Variants in LDB1 observed in about 807,000 individuals in gnomAD.
The protein encoded by LDB1 is LIM domain-binding protein 1.
A neutral mutation model predicts 49.7 loss-of-function variants in LDB1; 6 were observed. The observed-to-expected ratio is 0.12, with a 90% CI of 0.07 to 0.24. The LOEUF is 0.24. Among genes scored for constraint, LDB1 ranks in the 10% least tolerant of loss-of-function variants. The pLI, the probability that LDB1 is intolerant of heterozygous loss-of-function variation, is 1.00. For missense variants in LDB1, 341 were observed against 561.7 expected (o/e 0.61, Z 3.97); for synonymous variants, 233 against 202.0 (o/e 1.15, Z -1.30).
chr10:102,119,919 T>C (rs894664535), intron 1 of LDB1, among the ~76,000 whole-genome samples, 167 bp downstream of exon 1: 1 of 150,582 alleles, frequency 6.6e-6, no homozygotes, highest in Admixed American at 6.6e-5. Context: ...ATTTACACAG[T>C]TGGGGAAAAC....
downstream of LDB1, among the ~76,000 whole-genome samples, chr10:102,105,787 CCCTATCTCTA>C (rs2068152914): frequency 2.0e-5 from 3 of 147,812 alleles, no homozygotes; most frequent in Admixed American, 2.0e-4. Context: ...CATGGTGAAA[CCCTATCTCTA>C]CTAAAAAAAA....
At chr10:102,108,990 G>A (rs2068210519) in intron 10 of LDB1, 39 bp downstream of exon 10, 1 of 1,613,818 alleles carries the variant, frequency 6.2e-7, no homozygotes, top group Non-Finnish European at 8.5e-7. Flanking sequence ...GGTGAGTGGT[G>A]GGGCAGCCCA....
chr10:102,113,520 C>T (rs2068286222), intron 1 of LDB1, among the ~76,000 whole-genome samples: 1 of 152,196 alleles, frequency 6.6e-6, no homozygotes, highest in African/African-American at 2.4e-5. Context: ...CCCCAATCCA[C>T]AGACAGGCAG....
At chr10:102,113,467 C>A (rs1182598639) in intron 1 of LDB1, among the ~76,000 whole-genome samples, 2 of 152,206 alleles carry the variant, frequency 1.3e-5, no homozygotes, top group Non-Finnish European at 2.9e-5. Flanking sequence ...CTGGACTGAG[C>A]CTGTGTCTCC....
chr10:102,103,352 T>C (rs1032906773), downstream of LDB1, among the ~76,000 whole-genome samples: 3 of 151,802 alleles, frequency 2.0e-5, no homozygotes, highest in African/African-American at 7.3e-5. Context: ...TTGTTGTTGT[T>C]GTTTGAGACA....
Position 102,110,978 on chromosome 10 carries a change from A to T in LDB1, c.250-7T>A, listed in dbSNP as rs763877872. 1.4e-5 allele frequency: 22 copies of T among 1,613,520 alleles called. No homozygotes were observed. The highest frequency in any genetic ancestry group is 1.9e-5 in the Non-Finnish European group (22 of 1,179,464). On this transcript the variant is annotated splice_polypyrimidine_tract_variant and splice_region_variant and intron_variant, in intron 4 of 10. Coordinates refer to ENST00000673968, the MANE Select transcript of LDB1 (RefSeq NM_001113407.3). ...ACCAGAGATTGTCACACTCCTAGGG[A>T]GCATGGTAACGGGTGTTCATGTGTC...
chr10:102,114,580 T>C (rs2786844), intron 1 of LDB1: 1 of 985,466 alleles, frequency 1.0e-6, no homozygotes, highest in Non-Finnish European at 1.2e-6. Flanking sequence ...TCGCACGCAC[T>C]GCCTCGGCCC....
At chr10:102,106,244 G>A (rs2068158568), downstream of LDB1, among the ~76,000 whole-genome samples, 1 of 151,962 alleles carries the variant, frequency 6.6e-6, no homozygotes, top group African/African-American at 2.4e-5. Context: ...GAGGTGGGGA[G>A]CAGACTGAGA....
At chr10:102,114,307 T>A in intron 1 of LDB1, 1 of 984,482 alleles carries the variant, frequency 1.0e-6, no homozygotes, top group African/African-American at 1.7e-5. Context: ...CCGGCGGCTC[T>A]GGGCTGGGGC....
chr10:102,109,300 G>A lies in LDB1; in HGVS notation c.856+84C>T, dbSNP rs1047315094. 1.9e-6 allele frequency: 3 copies of A among 1,604,524 alleles called. No individual in the cohort carries two copies. Among genetic ancestry groups the A allele is most frequent in the African/African-American group, 1.3e-5 (1 of 74,638 alleles). On this transcript the variant is annotated intron_variant, in intron 9 of 10. Transcript: ENST00000673968. This position sits in a 1 kb window ranked among gnomAD's most constrained non-coding sequence, Gnocchi z 5.8. The stretch of plus-strand genomic sequence containing the variant: ...TTGTAGACCCGGGAACAAGGAAGGG[G>A]TGGGGAAAACTTCAAAAGGAAATAA...
rs371242716 is a variant in LDB1, at chr10:102,109,722, T to G, written c.649-39A>C. The G allele has an allele frequency of 5.0e-6, 8 of 1,602,902 alleles. No individual in the cohort carries two copies. Among genetic ancestry groups the G allele is most frequent in the Non-Finnish European group, 6.8e-6 (8 of 1,170,022 alleles). ...AAAGACAAGAAAGAACACTGACACCTGGGTTGCCTCTGCTCACCTGCCCTA... is the reference window on the plus strand; with the variant it reads ...AAAGACAAGAAAGAACACTGACACCGGGGTTGCCTCTGCTCACCTGCCCTA... On this transcript the variant is annotated intron_variant, in intron 7 of 10. Transcript: ENST00000673968. The surrounding 1 kb of genome is among the most constrained non-coding windows in gnomAD (Gnocchi z 5.8).
intron 2 of LDB1, 31 bp from the exon 3 acceptor site, chr10:102,111,331 G>A (rs2068249777): frequency 1.2e-6 from 2 of 1,611,920 alleles, no homozygotes; most frequent in Non-Finnish European, 1.7e-6. Flanking sequence ...TGAGAATGGG[G>A]GTTGAAGATA....
chr10:102,111,472 G>C lies in LDB1; in HGVS notation c.90C>G (p.Pro30=). 2 of 1,565,704 alleles carry C rather than the reference G, an allele frequency of 1.3e-6. No individual in the cohort carries two copies. The highest frequency in any genetic ancestry group is 1.7e-6 in the Non-Finnish European group (2 of 1,154,646). ...PKEPPNGNAF[P]PFHPGTMLDR... is the part of the protein sequence containing the mutation. Reference sequence around the variant, plus strand: ...CCAGCATGGTGCCGGGATGGAAGGGGGGAAAGGCGTTGCCGTTCGGGGGCT... The same window carrying C: ...CCAGCATGGTGCCGGGATGGAAGGGCGGAAAGGCGTTGCCGTTCGGGGGCT... Residue 30 remains proline, a synonymous_variant, in exon 2 of 11, where the codon CCC becomes CCG. Transcript: ENST00000673968.
At position 102,109,062 on chromosome 10, in the gene LDB1, T is replaced by C. The variant is rs767672533; in HGVS notation, c.972A>G (p.Pro324=). ...GGCTGGAGAGGGCGAAGGTGCTAGCTGGGCTCTTCTTCTTGCTGTTGCTGT... is the reference window on the plus strand; with the variant it reads ...GGCTGGAGAGGGCGAAGGTGCTAGCCGGGCTCTTCTTCTTGCTGTTGCTGT... ...TNNSNSKKKS[P]ASTFALSSQV... Residue 324 remains proline, a synonymous_variant, in exon 10 of 11, where the codon CCA becomes CCG. Transcript: ENST00000673968. This position sits in a 1 kb window ranked among gnomAD's most constrained non-coding sequence, Gnocchi z 5.8. The C allele has an allele frequency of 1.2e-6, 2 of 1,614,234 alleles. No homozygotes were observed. Among genetic ancestry groups the C allele is most frequent in the East Asian group, 4.5e-5 (2 of 44,888 alleles).
At chr10:102,114,863 G>C in intron 1 of LDB1, 1 of 978,374 alleles carries the variant, frequency 1.0e-6, no homozygotes, top group African/African-American at 1.8e-5. Context: ...GGCACCAGGA[G>C]AGGCAGGACC....
rs1310467341 is a variant in LDB1 at position 102,109,060 on chromosome 10, G to A, written c.974C>T (p.Ala325Val). ...CTGGCTGGAGAGGGCGAAGGTGCTA[G>A]CTGGGCTCTTCTTCTTGCTGTTGCT... ...NNSNSKKKSP[A>V]STFALSSQVP... Residue 325 changes from alanine (A) to valine (V), a missense_variant, in exon 10 of 11, where the codon GCT becomes GTT. By Grantham distance (64) the Ala-to-Val change is moderately conservative. Around this residue, in one of 5 missense-constraint regions of LDB1, gnomAD observed 233 missense variants for 385.7 expected, o/e 0.60. Coordinates refer to ENST00000673968, the MANE Select transcript of LDB1 (RefSeq NM_001113407.3). This position sits in a 1 kb window ranked among gnomAD's most constrained non-coding sequence, Gnocchi z 5.8. The A allele has an allele frequency of 3.7e-6, 6 of 1,614,128 alleles. No homozygotes were observed. In the African/African-American group the frequency reaches 6.7e-5, roughly 18 times the overall value.
At position 102,106,926 on chromosome 10, in the gene LDB1, G is replaced by A. The variant is rs1043230807; in HGVS notation, c.*1167C>T. ...GACCCTCTACCTCTACCTCACCTAT[G>A]GGGACAGAGGCCTGTTCCTCCCTGG... On this transcript the variant is annotated 3_prime_UTR_variant, in exon 11 of 11. Coordinates refer to ENST00000673968, the MANE Select transcript of LDB1 (RefSeq NM_001113407.3). Among the ~76,000 whole-genome samples the A allele has an allele frequency of 4.6e-5, 7 of 152,102 alleles. No homozygotes were observed. The highest frequency in any genetic ancestry group is 8.8e-5 in the Non-Finnish European group (6 of 68,010).
intron 1 of LDB1, among the ~76,000 whole-genome samples, chr10:102,113,349 C>T (rs2068283112): frequency 6.6e-6 from 1 of 152,160 alleles, no homozygotes; most frequent in Admixed American, 6.5e-5. Flanking sequence ...AACCCAGCAG[C>T]CCCAGGCAGA....
rs1462643374 is a variant in LDB1, at chr10:102,108,093, T to C, written c.1236A>G (p.Ter412=). Residue 412 remains the stop codon, a stop_retained_variant, in exon 11 of 11, where the codon TAA becomes TAG. Transcript: ENST00000673968. Reference sequence around the variant, plus strand: ...CACTGGGTGGCCACAGCAGGGCCTTTTACTGGGAGGCCTGTGACGTGGGGT... The same window carrying C: ...CACTGGGTGGCCACAGCAGGGCCTTCTACTGGGAGGCCTGTGACGTGGGGT... ...SENPTSQASQ[*] is the part of the protein sequence containing the mutation. The C allele has an allele frequency of 6.2e-7, 1 of 1,612,688 alleles. No homozygotes were observed. The highest frequency in any genetic ancestry group is 8.5e-7 in the Non-Finnish European group (1 of 1,178,944).
Sources: gnomAD v4.1 joint callset for allele counts (sites outside exome capture counted in the v4.1 genomes callset) on GRCh38, gnomAD v4.1.1 for gene constraint, gnomAD v4.1.1 regional missense constraint, Gnocchi (gnomAD v3.1) non-coding constraint, MANE v1.5 for transcripts, NCBI Gene and HGNC (gene_info 2026-07-23, HGNC 2026-07-21) for gene names.